Variants in GBP2 observed in about 807,000 individuals in gnomAD.
The protein encoded by GBP2 is guanylate-binding protein 2.
Under a neutral mutation model 60.8 loss-of-function variants are expected in GBP2, and 54 were observed. That is an observed-to-expected ratio of 0.89 (90% CI 0.71 to 1.11). The LOEUF is 1.11. Among genes scored for constraint, GBP2 ranks in the 50% most tolerant of loss-of-function variants. The pLI is 0.00. For synonymous variants in GBP2, 243 were observed against 256.5 expected (o/e 0.95, Z 0.50); for missense variants, 665 against 703.3 (o/e 0.95, Z 0.62).
chr1:89,116,888 G>A, intron 6 of GBP2, 104 bp downstream of exon 6: 2 of 1,104,430 alleles, frequency 1.8e-6, no homozygotes, highest in African/African-American at 3.1e-5. Context: ...GCCATCAATA[G>A]ACTATGCATT....
chr1:89,110,598 G>A (rs546609809), intron 8 of GBP2, among the ~76,000 whole-genome samples: 5 of 152,276 alleles, frequency 3.3e-5, no homozygotes, highest in Non-Finnish European at 5.9e-5. Flanking sequence ...ATTATTCTAA[G>A]TGAAGTAACT....
chr1:89,117,262 A>G (rs138950344), intron 5 of GBP2, 28 bp from the exon 6 acceptor site: 45 of 1,564,826 alleles, frequency 2.9e-5, no homozygotes, highest in Non-Finnish European at 3.9e-5. Flanking sequence ...AGAAGTAGTA[A>G]AACTTCAAAT....
intron 6 of GBP2, 51 bp from the exon 7 acceptor site, chr1:89,114,347 A>T (rs1420665244): frequency 6.3e-7 from 1 of 1,589,750 alleles, no homozygotes; most frequent in Non-Finnish European, 8.6e-7. Flanking sequence ...GTGGGACAGA[A>T]TATTTTGTGT....
intron 1 of GBP2, among the ~76,000 whole-genome samples, chr1:89,122,301 T>C (rs7529400): frequency 0.12 from 17,940 of 152,150 alleles, 2,549 homozygotes; most frequent in African/African-American, 0.35. Flanking sequence ...GATAACTAAT[T>C]TACACTCCTT....
intron 8 of GBP2, among the ~76,000 whole-genome samples, chr1:89,110,995 G>A (rs1395635209): frequency 6.6e-6 from 1 of 152,088 alleles, no homozygotes; most frequent in Non-Finnish European, 1.5e-5. Flanking sequence ...TGCAAGGACG[G>A]CTCAACATAT....
intron 8 of GBP2, among the ~76,000 whole-genome samples, chr1:89,111,031 T>C (rs1160474170): frequency 6.6e-6 from 1 of 152,136 alleles, no homozygotes; most frequent in Non-Finnish European, 1.5e-5. Context: ...TGATAAATTC[T>C]ATCAACAGAA....
intron 10 of GBP2, among the ~76,000 whole-genome samples, chr1:89,109,107 C>T (rs1297783450): frequency 6.6e-6 from 1 of 152,046 alleles, no homozygotes; most frequent in East Asian, 1.9e-4. Context: ...GTTGGTCAGG[C>T]TGGTCTTGAA....
chr1:89,113,366 C>T (rs916019127), intron 7 of GBP2, among the ~76,000 whole-genome samples: 1 of 152,204 alleles, frequency 6.6e-6, no homozygotes, highest in African/African-American at 2.4e-5. Context: ...GATAACTTAA[C>T]TATGAAGCTT....
intron 7 of GBP2, among the ~76,000 whole-genome samples, chr1:89,113,769 G>A (rs1180924917): frequency 6.6e-6 from 1 of 152,142 alleles, no homozygotes; most frequent in Non-Finnish European, 1.5e-5. Context: ...TAACAATGCA[G>A]TTGTACCATC....
In GBP2 at chr1:89,107,889, AC is replaced by A. The variant is rs1317883682; in HGVS notation, c.*285del. On this transcript the variant is annotated 3_prime_UTR_variant, in exon 11 of 11. Transcript: ENST00000370466. Reference sequence around the variant, plus strand: ...TCTCATTGGAAAATGCATCCTAGTTACACAATATCTCTCTTGAGTCCTTGTG... The same window carrying A: ...TCTCATTGGAAAATGCATCCTAGTTAACAATATCTCTCTTGAGTCCTTGTG... 7.4e-6 allele frequency: 2 copies of A among 269,594 alleles called. No individual in the cohort carries two copies. Among genetic ancestry groups the A allele is most frequent in the Non-Finnish European group, 1.4e-5 (2 of 141,646 alleles). The allele number at this position is 269,594 out of a possible 1,614,324, so 16.7% of individuals were successfully genotyped here.
At chr1:89,116,014 A>AAC in intron 6 of GBP2, among the ~76,000 whole-genome samples, 1 of 149,692 alleles carries the variant, frequency 6.7e-6, no homozygotes, top group East Asian at 2.0e-4. Context: ...CCATTTATTT[A>AAC]ATATATATAT....
In GBP2 at chr1:89,113,647, A is replaced by G. The variant is rs186613035; in HGVS notation, c.1149+369T>C. Among the ~76,000 whole-genome samples, 52 of 152,320 alleles carry G rather than the reference A, an allele frequency of 3.4e-4. No individual in the cohort carries two copies. In the East Asian group the frequency reaches 4.2e-3, roughly 12 times the overall value. On this transcript the variant is annotated intron_variant, in intron 7 of 10. Transcript: ENST00000370466. ...TATTTTACCATTGGCTCACATTTAA[A>G]AAAATTATTAGGGTTATTTAAAAAT... is the stretch of plus-strand genomic sequence containing the variant.
intron 2 of GBP2, 78 bp from the exon 3 acceptor site, chr1:89,121,348 T>A: frequency 1.5e-6 from 2 of 1,318,434 alleles, no homozygotes; most frequent in Non-Finnish European, 2.1e-6. Context: ...GTTAACATAA[T>A]TGAAGTTAAA....
At chr1:89,111,207 G>A (rs1296788621) in intron 8 of GBP2, among the ~76,000 whole-genome samples, 1 of 152,036 alleles carries the variant, frequency 6.6e-6, no homozygotes, top group Non-Finnish European at 1.5e-5. Context: ...ATACTGAATG[G>A]GAAGAACAAC....
intron 10 of GBP2, among the ~76,000 whole-genome samples, chr1:89,108,701 G>T (rs1295581940): frequency 6.6e-6 from 1 of 152,126 alleles, no homozygotes; most frequent in Middle Eastern, 3.2e-3. Flanking sequence ...TAGGGCAAGT[G>T]TTTGATCAGG....
At chr1:89,108,691 T>C (rs149371840) in intron 10 of GBP2, among the ~76,000 whole-genome samples, 99 of 152,274 alleles carry the variant, frequency 6.5e-4, no homozygotes, top group African/African-American at 2.3e-3. Flanking sequence ...AACTCAAGAC[T>C]AGGGCAAGTG....
intron 4 of GBP2, chr1:89,118,056 A>C: frequency 8.4e-6 from 2 of 236,796 alleles, no homozygotes; most frequent in South Asian, 1.2e-4. Flanking sequence ...AACAAAAATA[A>C]ATTATCAGGT....
At position 89,117,158 on chromosome 1, in the gene GBP2, G is replaced by C. The variant is rs773133578; in HGVS notation, c.702C>G (p.Phe234Leu). 6.2e-7 allele frequency: 1 copy of C among 1,614,180 alleles called. No individual in the cohort carries two copies. The highest frequency in any genetic ancestry group is 1.7e-5 in the Admixed American group (1 of 60,020). Residue 234 changes from phenylalanine to leucine, a missense_variant, in exon 6 of 11, where the codon TTC becomes TTG. Coordinates refer to ENST00000370466, the MANE Select transcript of GBP2 (RefSeq NM_004120.5). ...TCTTAGGAGCGGGCCAATCGAAGACGAAGCACTTCCTCTTGGGGAAGAACT... is the reference window on the plus strand; with the variant it reads ...TCTTAGGAGCGGGCCAATCGAAGACCAAGCACTTCCTCTTGGGGAAGAACT... The part of the protein sequence containing the change: ...IRKFFPKRKC[F>L]VFDWPAPKKY...
intron 1 of GBP2, among the ~76,000 whole-genome samples, chr1:89,122,365 A>G (rs146830800): frequency 3.8e-4 from 58 of 152,310 alleles, no homozygotes; most frequent in African/African-American, 1.3e-3. Context: ...GACCCAATCC[A>G]GGATTCCTCA....
Sources: allele counts gnomAD v4.1 joint callset (sites outside exome capture counted in the v4.1 genomes callset), GRCh38; gene constraint gnomAD v4.1.1; transcripts MANE v1.5; gene names NCBI Gene and HGNC (gene_info 2026-07-23, HGNC 2026-07-21).